FUT8: variants seen among roughly 807,000 people sequenced by gnomAD.
FUT8 encodes alpha-(1,6)-fucosyltransferase.
FUT8 carries 29 observed loss-of-function variants against 71.3 expected under a neutral mutation model. The observed-to-expected ratio is 0.41, with a 90% CI of 0.30 to 0.55. The LOEUF (loss-of-function observed/expected upper bound fraction) is 0.55. Ranked by LOEUF, FUT8 falls within the 20% of genes least tolerant of loss-of-function variation. The pLI is 0.34. For synonymous variants in FUT8, 254 were observed against 239.3 expected, an observed-to-expected ratio of 1.06 and a Z score of -0.57; for missense variants, 544 against 702.1, an observed-to-expected ratio of 0.77 and a Z score of 2.55.
chr14:65,391,318 A>C, the FUT8 span, among the ~76,000 whole-genome samples: 3 of 152,120 alleles, frequency 2.0e-5, no homozygotes, highest in Non-Finnish European at 2.9e-5. Context: ...TAGCTGTTTG[A>C]AAGAGAATAA....
chr14:65,571,465 G>A (rs1016661365), intron 3 of FUT8, among the ~76,000 whole-genome samples: 1 of 152,132 alleles, frequency 6.6e-6, no homozygotes, highest in Non-Finnish European at 1.5e-5. Flanking sequence ...AGAGAAGGAA[G>A]TGTGGGAACA....
In FUT8 at chr14:65,742,063, C is replaced by T. The variant is rs1289761258; in HGVS notation, c.1411-30C>T. ...TGCTGTGAAGGAGAGTGTTTATATA[C>T]TAACAATTTCTTTTAAATTCTTTCC... On this transcript the variant is annotated intron_variant, in intron 10 of 10. Transcript: ENST00000673929. 3.8e-6 allele frequency: 6 copies of T among 1,582,912 alleles called. No individual in the cohort carries two copies. In the African/African-American group the frequency reaches 6.8e-5, roughly 18 times the overall value.
chr14:65,412,834 G>C lies in FUT8; in HGVS notation c.-706G>C, dbSNP rs962055409. 1.2e-5 allele frequency: 2 copies of C among 167,664 alleles called. No homozygotes were observed. The highest frequency in any genetic ancestry group is 2.5e-5 in the Non-Finnish European group (2 of 78,624). The allele number at this position is 167,664 out of a possible 1,614,324, so 10.4% of individuals were successfully genotyped here. A position where few individuals can be genotyped will look rare whatever the true frequency, so the allele number is the denominator to read the frequency against. On this transcript the variant is annotated 5_prime_UTR_variant, in exon 1 of 11. Transcript: ENST00000673929. The stretch of plus-strand genomic sequence containing the variant: ...TTATCTCCGGCCGACCCGAGCAGCC[G>C]GTTCCCTCCTCTCCAGGCCCCCTCC...
intron 3 of FUT8, among the ~76,000 whole-genome samples, chr14:65,573,231 A>C (rs1313470637): frequency 6.6e-6 from 1 of 152,128 alleles, no homozygotes. Flanking sequence ...CTCCCCACCC[A>C]CAACAAAGAT....
chr14:65,635,493 A>G (rs1890500107), intron 6 of FUT8, among the ~76,000 whole-genome samples: 1 of 152,096 alleles, frequency 6.6e-6, no homozygotes, highest in South Asian at 2.1e-4. Flanking sequence ...CTTTTATTAC[A>G]CTGAGGTATG....
chr14:65,378,178 T>G, the FUT8 span, among the ~76,000 whole-genome samples: 2 of 152,072 alleles, frequency 1.3e-5, no homozygotes, highest in Non-Finnish European at 2.9e-5. Flanking sequence ...CTATATAAAA[T>G]TAACTTTACT....
intron 3 of FUT8, among the ~76,000 whole-genome samples, 160 bp from the exon 4 acceptor site, chr14:65,615,818 A>T (rs112706741): frequency 6.6e-5 from 10 of 152,332 alleles, no homozygotes; most frequent in African/African-American, 2.4e-4. Context: ...TCACTGGTTA[A>T]TCCTATACCT....
chr14:65,634,208 G>T (rs1890409377), intron 6 of FUT8, among the ~76,000 whole-genome samples: 1 of 152,036 alleles, frequency 6.6e-6, no homozygotes, highest in Non-Finnish European at 1.5e-5. Context: ...TTTTCATTTT[G>T]TTCTGTACTA....
At chr14:65,368,554 G>A in the FUT8 span, among the ~76,000 whole-genome samples, 3 of 126,724 alleles carry the variant, frequency 2.4e-5, no homozygotes, top group East Asian at 7.0e-4. Context: ...ATGGAGTCTG[G>A]CTCTGTCGCC....
intron 2 of FUT8, among the ~76,000 whole-genome samples, chr14:65,541,242 G>A (rs1293043776): frequency 7.9e-5 from 12 of 152,212 alleles, no homozygotes; most frequent in Non-Finnish European, 2.9e-5. Flanking sequence ...TAATTGTCAG[G>A]GTTGTCTAGA....
intron 6 of FUT8, among the ~76,000 whole-genome samples, chr14:65,658,007 C>G (rs552937185): frequency 6.6e-6 from 1 of 151,962 alleles, no homozygotes. Context: ...TTACCAGCAA[C>G]CCCGTTAAAG....
At chr14:65,663,166 T>C (rs1362780461) in intron 6 of FUT8, among the ~76,000 whole-genome samples, 1 of 152,092 alleles carries the variant, frequency 6.6e-6, no homozygotes, top group Non-Finnish European at 1.5e-5. Flanking sequence ...CTAGGATCAG[T>C]GGTAACTGAC....
At chr14:65,411,854 C>A, upstream of FUT8, 1 of 358,484 alleles carries the variant, frequency 2.8e-6, no homozygotes, top group Non-Finnish European at 5.5e-6. Flanking sequence ...CGGCGGCACC[C>A]CTCGTCCCGC....
chr14:65,409,257 T>G (rs117229747), upstream of FUT8, among the ~76,000 whole-genome samples: 187 of 152,314 alleles, frequency 1.2e-3, no homozygotes, highest in Non-Finnish European at 1.9e-3. This position sits in a 1 kb window ranked among gnomAD's most constrained non-coding sequence, Gnocchi z 5.4. Flanking sequence ...CGAGAACAAT[T>G]AACAATTATT....
intron 2 of FUT8, among the ~76,000 whole-genome samples, chr14:65,463,704 T>C (rs1404971222): frequency 2.6e-5 from 4 of 152,232 alleles, no homozygotes; most frequent in Admixed American, 6.5e-5. Flanking sequence ...TGGTGGCTGA[T>C]CATCCAAGCT....
intron 2 of FUT8, among the ~76,000 whole-genome samples, chr14:65,547,577 A>G (rs1057409235): frequency 6.6e-6 from 1 of 151,850 alleles, no homozygotes; most frequent in Non-Finnish European, 1.5e-5. Flanking sequence ...TCCATCATTT[A>G]CATTCAAGTT....
intron 7 of FUT8, among the ~76,000 whole-genome samples, chr14:65,709,001 A>G (rs1341049564): frequency 6.6e-6 from 1 of 152,226 alleles, no homozygotes; most frequent in South Asian, 2.1e-4. Flanking sequence ...ATTTATTTCT[A>G]ATGTTCTGAT....
intron 5 of FUT8, among the ~76,000 whole-genome samples, chr14:65,617,826 C>A (rs1889362987): frequency 6.6e-6 from 1 of 151,784 alleles, no homozygotes. Context: ...TGCCTGTGAT[C>A]CCAGCTACTT....
At chr14:65,438,262 T>C (rs1339177607) in intron 1 of FUT8, among the ~76,000 whole-genome samples, 1 of 149,020 alleles carries the variant, frequency 6.7e-6, no homozygotes, top group Non-Finnish European at 1.5e-5. Flanking sequence ...CAACAGAAAT[T>C]AGGCAGTTTT....
Sources: allele counts gnomAD v4.1 joint callset (sites outside exome capture counted in the v4.1 genomes callset), GRCh38; gene constraint gnomAD v4.1.1; non-coding constraint Gnocchi (gnomAD v3.1); transcripts MANE v1.5; gene names NCBI Gene and HGNC (gene_info 2026-07-23, HGNC 2026-07-21).